GALNT13: variants seen among roughly 807,000 people sequenced by gnomAD.
GALNT13 encodes polypeptide N-acetylgalactosaminyltransferase 13.
A neutral mutation model predicts 64.2 loss-of-function variants in GALNT13; 28 were observed. That is an observed-to-expected ratio of 0.44 (90% CI 0.32 to 0.60). The LOEUF (loss-of-function observed/expected upper bound fraction) is 0.60, where lower values mean the gene tolerates loss of function less well. Ranked by LOEUF, GALNT13 falls within the 20% of genes least tolerant of loss-of-function variation. GALNT13 has a pLI of 0.05. For missense variants in GALNT13, 577 were observed against 669.8 expected, an observed-to-expected ratio of 0.86 and a Z score of 1.53; for synonymous variants, 214 against 224.6, an observed-to-expected ratio of 0.95 and a Z score of 0.42.
chr2:153,269,590 A>C, the GALNT13 span, among the ~76,000 whole-genome samples: 2 of 152,222 alleles, frequency 1.3e-5, no homozygotes, highest in Admixed American at 1.3e-4. Flanking sequence ...TACCGTTTCC[A>C]AAGTTGCTTC....
chr2:153,088,313 G>A, the GALNT13 span, among the ~76,000 whole-genome samples: 5 of 152,084 alleles, frequency 3.3e-5, no homozygotes, highest in Non-Finnish European at 5.9e-5. Flanking sequence ...TAATTCCACT[G>A]TGTTCAGAGA....
chr2:153,341,824 T>C, the GALNT13 span, among the ~76,000 whole-genome samples: 2 of 152,178 alleles, frequency 1.3e-5, no homozygotes, highest in Non-Finnish European at 2.9e-5. Context: ...TTATATTTTT[T>C]AGGAGCTGAA....
chr2:154,437,916 C>G (rs1162745592), intron 11 of GALNT13: 1 of 216,944 alleles, frequency 4.6e-6, no homozygotes, highest in Non-Finnish European at 9.4e-6. Flanking sequence ...AAATTATTCA[C>G]ACCAGGAACA....
chr2:154,446,644 C>G (rs1701594925), intron 12 of GALNT13: 1 of 1,548,768 alleles, frequency 6.5e-7, no homozygotes, highest in Non-Finnish European at 8.7e-7. Flanking sequence ...CAGCATCCTA[C>G]TGTGGAAACC....
At chr2:153,637,143 C>G in the GALNT13 span, among the ~76,000 whole-genome samples, 2 of 152,062 alleles carry the variant, frequency 1.3e-5, no homozygotes, top group African/African-American at 4.8e-5. Flanking sequence ...TATGGTTATT[C>G]AAGCTTGTAA....
the GALNT13 span, among the ~76,000 whole-genome samples, chr2:153,287,686 C>T: frequency 6.6e-6 from 1 of 152,228 alleles, no homozygotes; most frequent in Non-Finnish European, 1.5e-5. Context: ...TGCTCTTCTG[C>T]TCTTCTTGAC....
chr2:153,235,926 G>A, the GALNT13 span, among the ~76,000 whole-genome samples: 2 of 152,170 alleles, frequency 1.3e-5, no homozygotes, highest in African/African-American at 4.8e-5. Context: ...GGCCTCTTGT[G>A]CCAAGCAGTC....
the GALNT13 span, among the ~76,000 whole-genome samples, chr2:153,698,431 G>C: frequency 6.6e-6 from 1 of 152,046 alleles, no homozygotes; most frequent in Admixed American, 6.6e-5. Context: ...AGAAAAAAAA[G>C]GCGTCACAAT....
At chr2:154,076,010 T>C (rs995203533) in intron 3 of GALNT13, among the ~76,000 whole-genome samples, 4 of 151,706 alleles carry the variant, frequency 2.6e-5, no homozygotes, top group African/African-American at 7.2e-5. Context: ...TATGCTGATA[T>C]AATGAGCAAC....
the GALNT13 span, among the ~76,000 whole-genome samples, chr2:153,828,261 T>C: frequency 9.8e-5 from 15 of 152,338 alleles, no homozygotes; most frequent in African/African-American, 3.6e-4. Context: ...AGGGACTCTG[T>C]GTTGGGGCTC....
chr2:153,959,708 C>A (rs984630427), intron 3 of GALNT13, among the ~76,000 whole-genome samples: 4 of 152,076 alleles, frequency 2.6e-5, no homozygotes, highest in African/African-American at 9.7e-5. Context: ...TCCAGGATAC[C>A]TCAGCTTGGG....
At chr2:153,175,465 G>A in the GALNT13 span, among the ~76,000 whole-genome samples, 53 of 152,282 alleles carry the variant, frequency 3.5e-4, no homozygotes, top group East Asian at 8.7e-3. Flanking sequence ...AGTAGGGACA[G>A]ATTAATTGAC....
the GALNT13 span, among the ~76,000 whole-genome samples, chr2:153,731,561 C>T: frequency 6.6e-6 from 1 of 151,918 alleles, no homozygotes; most frequent in Non-Finnish European, 1.5e-5. Context: ...GCCATGTCCT[C>T]ATCCAACAGT....
the GALNT13 span, among the ~76,000 whole-genome samples, chr2:153,419,114 A>C: frequency 1.9e-3 from 282 of 152,328 alleles, 3 homozygotes; most frequent in African/African-American, 6.3e-3. Flanking sequence ...AAGAGGTTTA[A>C]TTGACTCACA....
At chr2:154,434,593 A>T (rs1025329228) in intron 11 of GALNT13, among the ~76,000 whole-genome samples, 14 of 152,164 alleles carry the variant, frequency 9.2e-5, no homozygotes, top group African/African-American at 3.4e-4. Flanking sequence ...CTGTATCATT[A>T]TCACCGTCTT....
At chr2:154,387,826 A>G (rs111631278) in intron 9 of GALNT13, among the ~76,000 whole-genome samples, 1 of 152,100 alleles carries the variant, frequency 6.6e-6, no homozygotes, top group African/African-American at 2.4e-5. Context: ...TCATCTGTTG[A>G]TATACATTTA....
rs372084302 is a variant in GALNT13, at chr2:154,150,666, T to A, written c.311+10161T>A. Among the ~76,000 whole-genome samples the A allele has an allele frequency of 3.3e-5, 5 of 152,226 alleles. No homozygotes were observed. The South Asian group carries it at 8.3e-4, about 25-fold the overall frequency. On this transcript the variant is annotated intron_variant, in intron 4 of 12. Coordinates refer to ENST00000392825, the MANE Select transcript of GALNT13 (RefSeq NM_052917.4). ...TCCCGGTTTAGTCTTGGGAGAGTGTTTGTGTCGAGGAATTTATCCATTTCT... is the reference window on the plus strand; with the variant it reads ...TCCCGGTTTAGTCTTGGGAGAGTGTATGTGTCGAGGAATTTATCCATTTCT...
intron 8 of GALNT13, among the ~76,000 whole-genome samples, chr2:154,291,820 C>T (rs909915440): frequency 6.6e-6 from 1 of 152,280 alleles, no homozygotes; most frequent in Non-Finnish European, 1.5e-5. Flanking sequence ...CGAGGAGGTG[C>T]CGAGAGCAAG....
At chr2:153,191,345 A>G in the GALNT13 span, among the ~76,000 whole-genome samples, 1 of 152,006 alleles carries the variant, frequency 6.6e-6, no homozygotes, top group African/African-American at 2.4e-5. Flanking sequence ...TTTGTCCTCT[A>G]TTATGCGCTG....
Sources: allele counts gnomAD v4.1 joint callset (sites outside exome capture counted in the v4.1 genomes callset), GRCh38; gene constraint gnomAD v4.1.1; transcripts MANE v1.5; gene names NCBI Gene and HGNC (gene_info 2026-07-23, HGNC 2026-07-21).